The following FSTL1 variants were observed in gnomAD, a reference collection of about 807,000 sequenced individuals.
The protein encoded by FSTL1 is follistatin-related protein 1.
FSTL1 carries 24 observed loss-of-function variants against 45.9 expected under a neutral mutation model. The observed-to-expected ratio is 0.52, with a 90% CI of 0.38 to 0.74. The LOEUF (loss-of-function observed/expected upper bound fraction) is 0.74, where lower values mean the gene tolerates loss of function less well. Among genes scored for constraint, FSTL1 ranks in the 30% least tolerant of loss-of-function variants. The pLI is 0.00. For synonymous variants in FSTL1, 120 were observed against 137.6 expected (o/e 0.87, Z 0.89); for missense variants, 340 against 381.8 (o/e 0.89, Z 0.91).
At chr3:120,418,444 A>G (rs899930109) in intron 2 of FSTL1, among the ~76,000 whole-genome samples, 4 of 152,242 alleles carry the variant, frequency 2.6e-5, no homozygotes, top group African/African-American at 9.6e-5. Context: ...AAGCTCTTCA[A>G]TAACTCCTTA....
At chr3:120,438,647 C>T (rs533320546) in intron 2 of FSTL1, among the ~76,000 whole-genome samples, 8 of 152,278 alleles carry the variant, frequency 5.3e-5, no homozygotes, top group Admixed American at 2.0e-4. Flanking sequence ...TATCCGCCTC[C>T]TTTTATATGA....
Position 120,394,563 on chromosome 3 carries a change from A to G in FSTL1, c.*2389T>C, listed in dbSNP as rs1448227195. On this transcript the variant is annotated 3_prime_UTR_variant, in exon 11 of 11. Coordinates refer to ENST00000295633, the MANE Select transcript of FSTL1 (RefSeq NM_007085.5). ...AGTCACGGCATGTGGGAATGTTTCC[A>G]TGGACACTGGATCTTAACAGATGCT... 1 of 152,222 alleles carries G rather than the reference A, an allele frequency of 6.6e-6. No homozygotes were observed. Among genetic ancestry groups the G allele is most frequent in the South Asian group, 2.1e-4 (1 of 4,834 alleles). The allele number at this position is 152,222 out of a possible 1,614,324, so 9.4% of individuals were successfully genotyped here. A position where few individuals can be genotyped will look rare whatever the true frequency, so the allele number is the denominator to read the frequency against.
rs534798927 is a variant in FSTL1, at chr3:120,422,369, T to C, written c.64-6342A>G. ...GCACACACACAAAATGGTAACTATG[T>C]AGAGGTAGTGAATATGTTAATTAGC... On this transcript the variant is annotated intron_variant, in intron 2 of 10. Coordinates refer to ENST00000295633, the MANE Select transcript of FSTL1 (RefSeq NM_007085.5). 2.2e-3 allele frequency among the ~76,000 whole-genome samples: 342 copies of C among 152,332 alleles called. 3 individuals are homozygous for C. Among genetic ancestry groups the C allele is most frequent in the Admixed American group, 4.7e-3 (72 of 15,298 alleles).
Position 120,392,566 on chromosome 3 carries a change from A to G in FSTL1, c.*4386T>C, listed in dbSNP as rs1350857689. On this transcript the variant is annotated 3_prime_UTR_variant, in exon 11 of 11. Transcript: ENST00000295633. Reference sequence around the variant, plus strand: ...TATTCACTGTATTTTCTGTGATACAATTTGGATTTTTACCATGTACACATA... The same window carrying G: ...TATTCACTGTATTTTCTGTGATACAGTTTGGATTTTTACCATGTACACATA... 2 of 152,186 alleles carry G rather than the reference A, an allele frequency of 1.3e-5. No individual in the cohort carries two copies. Among genetic ancestry groups the G allele is most frequent in the East Asian group, 1.9e-4 (1 of 5,196 alleles). The allele number at this position is 152,186 out of a possible 1,614,324, so 9.4% of individuals were successfully genotyped here.
chr3:120,414,827 T>A (rs1289589369), intron 3 of FSTL1, among the ~76,000 whole-genome samples: 1 of 151,520 alleles, frequency 6.6e-6, no homozygotes, highest in Non-Finnish European at 1.5e-5. Flanking sequence ...CTCCCTAATC[T>A]CAAGTACCCA....
At position 120,396,837 on chromosome 3, in the gene FSTL1, T is replaced by C; in HGVS notation, c.*115A>G. 1 of 768,072 alleles carries C rather than the reference T, an allele frequency of 1.3e-6. No individual in the cohort carries two copies. The highest frequency in any genetic ancestry group is 1.5e-5 in the South Asian group (1 of 67,038). 47.6% of individuals were successfully genotyped at this position (768,072 alleles called of 1,614,324 possible). On this transcript the variant is annotated 3_prime_UTR_variant, in exon 11 of 11. Coordinates refer to ENST00000295633, the MANE Select transcript of FSTL1 (RefSeq NM_007085.5). ...AACAAATAAACAAAATAAAACTCAT[T>C]GCTATATAAGCAAATACTGGTGATT...
intron 2 of FSTL1, among the ~76,000 whole-genome samples, chr3:120,444,973 G>A (rs1177892657): frequency 6.0e-5 from 9 of 149,796 alleles, no homozygotes; most frequent in African/African-American, 1.5e-4. Context: ...TGTAGTCAAT[G>A]TTAAGTTTTT....
intron 2 of FSTL1, among the ~76,000 whole-genome samples, chr3:120,441,671 T>C (rs1295820451): frequency 6.6e-6 from 1 of 151,938 alleles, no homozygotes; most frequent in African/African-American, 2.4e-5. Context: ...TGTACACACA[T>C]GTACACACAC....
In FSTL1 at chr3:120,393,460, T is replaced by C. The variant is rs1001121748; in HGVS notation, c.*3492A>G. 3.9e-5 allele frequency: 6 copies of C among 152,190 alleles called. No homozygotes were observed. Among genetic ancestry groups the C allele is most frequent in the African/African-American group, 1.4e-4 (6 of 41,454 alleles). 9.4% of individuals were successfully genotyped at this position (152,190 alleles called of 1,614,324 possible). A position where few individuals can be genotyped will look rare whatever the true frequency, so the allele number is the denominator to read the frequency against. On this transcript the variant is annotated 3_prime_UTR_variant, in exon 11 of 11. Transcript: ENST00000295633. ...AGCTAACGTTCAGCCCACTTGGAAC[T>C]GTTTACCCCCATGGAATGTGTGTAT...
Position 120,448,071 on chromosome 3 carries a change from C to A in FSTL1, c.63+2613G>T, listed in dbSNP as rs573436883. Among the ~76,000 whole-genome samples the A allele has an allele frequency of 5.3e-5, 8 of 152,324 alleles. No individual in the cohort carries two copies. In the East Asian group the frequency reaches 1.5e-3, roughly 29 times the overall value. ...GGAGAGCACCTCTGATTCTGGTTTA[C>A]TACAGAGGCTCTGGCTTCTTCAAAT... On this transcript the variant is annotated intron_variant, in intron 2 of 10. Transcript: ENST00000295633.
Position 120,410,968 on chromosome 3 carries a change from A to T in FSTL1, c.315T>A (p.Ser105Arg), listed in dbSNP as rs371051166. 1.2e-5 allele frequency: 20 copies of T among 1,610,360 alleles called. No homozygotes were observed. In the African/African-American group the frequency reaches 1.9e-4, roughly 15 times the overall value. ...DGHCKEKKSV[S>R]PSASPVVCYQ... Reference sequence around the variant, plus strand: ...GGCACTCACCTGGGCTGGCAGATGGACTTACGGATTTCTTCTCTGCAAGAC... The same window carrying T: ...GGCACTCACCTGGGCTGGCAGATGGTCTTACGGATTTCTTCTCTGCAAGAC... The change falls in exon 5 of 11, where the codon AGT (serine) becomes AGA (arginine). Residue 105 changes from serine (S) to arginine (R), a missense_variant. Coordinates refer to ENST00000295633, the MANE Select transcript of FSTL1 (RefSeq NM_007085.5).
In FSTL1 at chr3:120,402,882, G is replaced by A. The variant is rs781248045; in HGVS notation, c.731C>T (p.Ala244Val). The A allele has an allele frequency of 1.9e-6, 3 of 1,613,258 alleles. No individual in the cohort carries two copies. The highest frequency in any genetic ancestry group is 2.2e-5 in the East Asian group (1 of 44,872). ...GCGGTTACAGTCCACCTCGGTCTCA[G>A]CTCCATCTGCATACGTTTCATCCTC... ...ALEDETYADG[A>V]ETEVDCNRCV... Residue 244 changes from alanine (A) to valine (V), a missense_variant, in exon 9 of 11, where the codon GCT becomes GTT. Physicochemically the swap from Ala to Val is moderately conservative, Grantham distance 64. Coordinates refer to ENST00000295633, the MANE Select transcript of FSTL1 (RefSeq NM_007085.5).
At chr3:120,425,386 A>T (rs1162371375) in intron 2 of FSTL1, among the ~76,000 whole-genome samples, 1 of 152,162 alleles carries the variant, frequency 6.6e-6, no homozygotes, top group Non-Finnish European at 1.5e-5. Context: ...AAAGCTTTTA[A>T]ACTTCTGCTG....
chr3:120,402,318 T>G (rs1379551664), intron 9 of FSTL1, among the ~76,000 whole-genome samples: 1 of 152,220 alleles, frequency 6.6e-6, no homozygotes, highest in Admixed American at 6.5e-5. Context: ...TAAGGTGTTA[T>G]AAGGATCAAT....
intron 2 of FSTL1, among the ~76,000 whole-genome samples, chr3:120,429,396 G>A (rs1217125635): frequency 6.6e-6 from 1 of 152,230 alleles, no homozygotes; most frequent in African/African-American, 2.4e-5. Flanking sequence ...TCATCCAAAT[G>A]GGGACATTTG....
chr3:120,432,006 CTCTCTGTAAG>C, intron 2 of FSTL1, among the ~76,000 whole-genome samples: 1 of 152,250 alleles, frequency 6.6e-6, no homozygotes, highest in East Asian at 1.9e-4. Flanking sequence ...TTGGTACTTC[CTCTCTGTAAG>C]ACTTTTTATG....
At position 120,403,067 on chromosome 3, in the gene FSTL1, C is replaced by T. The variant is rs1271411466; in HGVS notation, c.695-149G>A. On this transcript the variant is annotated intron_variant, in intron 8 of 10. Coordinates refer to ENST00000295633, the MANE Select transcript of FSTL1 (RefSeq NM_007085.5). ...TATCTGAGCAAACACTACCATCAAC[C>T]TAAAGAATGTGGGGCCCTAACTTCA... is the stretch of plus-strand genomic sequence containing the variant. The T allele has an allele frequency of 2.7e-5, 19 of 716,106 alleles. No individual in the cohort carries two copies. In the Admixed American group the frequency reaches 4.0e-4, roughly 15 times the overall value. The allele number at this position is 716,106 out of a possible 1,614,324, so 44.4% of individuals were successfully genotyped here.
At position 120,399,949 on chromosome 3, in the gene FSTL1, C is replaced by G. The variant is rs541862974; in HGVS notation, c.816G>C (p.Gln272His). Reference sequence around the variant, plus strand: ...CCTCTGTCTGGGTCTGGGCCCCCTTCTGATTCTTTCCTGCAAGAAGAACCA... The same window carrying G: ...CCTCTGTCTGGGTCTGGGCCCCCTTGTGATTCTTTCCTGCAAGAAGAACCA... ...CTAMTCDGKN[Q>H]KGAQTQTEEE... is the part of the protein sequence containing the mutation. The change falls in exon 10 of 11, where the codon CAG becomes CAC. Residue 272 changes from glutamine to histidine, a missense_variant. Gln to His is a conservative substitution (Grantham distance 24). Coordinates refer to ENST00000295633, the MANE Select transcript of FSTL1 (RefSeq NM_007085.5). 2 of 1,606,734 alleles carry G rather than the reference C, an allele frequency of 1.2e-6. No individual in the cohort carries two copies. Among genetic ancestry groups the G allele is most frequent in the Admixed American group, 3.4e-5 (2 of 59,286 alleles).
At chr3:120,403,043 A>G in intron 8 of FSTL1, 125 bp from the exon 9 acceptor site, 1 of 748,342 alleles carries the variant, frequency 1.3e-6, no homozygotes, top group Non-Finnish European at 2.4e-6. Context: ...GAAGCACTAT[A>G]TCTGAGCAAA....
Sources: gnomAD v4.1 joint callset for allele counts (sites outside exome capture counted in the v4.1 genomes callset) on GRCh38, gnomAD v4.1.1 for gene constraint, MANE v1.5 for transcripts, NCBI Gene and HGNC (gene_info 2026-07-23, HGNC 2026-07-21) for gene names.